SPI1: variants seen among roughly 807,000 people sequenced by gnomAD.
SPI1 encodes the protein Spi-1 proto-oncogene, also known as transcription factor PU.1.
SPI1 carries 3 observed loss-of-function variants against 30.7 expected under a neutral mutation model. That is an observed-to-expected ratio of 0.10 (90% confidence interval 0.04 to 0.25). The LOEUF (loss-of-function observed/expected upper bound fraction) is 0.25. SPI1 is among the 10% of genes least tolerant of loss of function. SPI1 has a pLI of 1.00. For synonymous variants in SPI1, 169 were observed against 157.1 expected, an observed-to-expected ratio of 1.08 and a Z score of -0.56; for missense variants, 261 against 371.5, an observed-to-expected ratio of 0.70 and a Z score of 2.45.
chr11:47,366,546 C>T (rs1452448175), intron 2 of SPI1, among the ~76,000 whole-genome samples: 1 of 152,148 alleles, frequency 6.6e-6, no homozygotes, highest in Non-Finnish European at 1.5e-5. Context: ...CCAGCCTCTC[C>T]TGAAAATTAT....
intron 4 of SPI1, chr11:47,358,467 C>T (rs532463366): frequency 9.3e-6 from 6 of 645,622 alleles, no homozygotes; most frequent in African/African-American, 1.8e-5. Flanking sequence ...CACCCACTCT[C>T]AGCCACACCA....
At position 47,375,603 on chromosome 11, in the gene SPI1, G is replaced by A; in HGVS notation, c.142+30C>T. Reference sequence around the variant, plus strand: ...CCCCAGGAGCCCAGGCTGGGCTGGGGGATGGGGGCGTGGCAGGCCCCGTAC... The same window carrying A: ...CCCCAGGAGCCCAGGCTGGGCTGGGAGATGGGGGCGTGGCAGGCCCCGTAC... On this transcript the variant is annotated intron_variant, in intron 2 of 4. Transcript: ENST00000378538. The surrounding 1 kb of genome is among the most constrained non-coding windows in gnomAD (Gnocchi z 4.2). 1 of 1,553,322 alleles carries A rather than the reference G, an allele frequency of 6.4e-7. No homozygotes were observed. The highest frequency in any genetic ancestry group is 2.2e-5 in the East Asian group (1 of 44,588).
intron 4 of SPI1, 115 bp from the exon 5 acceptor site, chr11:47,355,661 C>CGGCT: frequency 1.1e-6 from 1 of 879,728 alleles, no homozygotes; most frequent in Non-Finnish European, 1.7e-6. Flanking sequence ...GGCAGGGGAA[C>CGGCT]GGCTGCCCCA....
Position 47,355,149 on chromosome 11 carries a change from CCCTGTGT to C in SPI1, c.*71_*77del. On this transcript the variant is annotated 3_prime_UTR_variant, in exon 5 of 5. Transcript: ENST00000378538. ...TGCCTCTGGGCCCCGGGAGCGTCCTCCCTGTGTCCGGGCCGGGCGAGGGCTTAATGCT... is the reference window on the plus strand; with the variant it reads ...TGCCTCTGGGCCCCGGGAGCGTCCTCCCGGGCCGGGCGAGGGCTTAATGCT... 8.5e-7 allele frequency: 1 copy of C among 1,172,386 alleles called. No individual in the cohort carries two copies. The highest frequency in any genetic ancestry group is 1.1e-6 in the Non-Finnish European group (1 of 929,902). 72.6% of individuals were successfully genotyped at this position (1,172,386 alleles called of 1,614,324 possible). A position where few individuals can be genotyped will look rare whatever the true frequency, so the allele number is the denominator to read the frequency against.
intron 4 of SPI1, among the ~76,000 whole-genome samples, chr11:47,356,969 TCTG>T (rs1430982193): frequency 2.3e-5 from 3 of 132,316 alleles, no homozygotes; most frequent in Non-Finnish European, 3.4e-5. Flanking sequence ...CATGCTCACG[TCTG>T]CTCACACACA....
chr11:47,365,566 A>G (rs1316584676), intron 2 of SPI1, among the ~76,000 whole-genome samples: 2 of 152,194 alleles, frequency 1.3e-5, no homozygotes, highest in Non-Finnish European at 2.9e-5. Context: ...GCAGATATTG[A>G]TAGAATCAGG....
chr11:47,356,713 TCACA>T (rs897051112), intron 4 of SPI1, among the ~76,000 whole-genome samples: 12 of 151,322 alleles, frequency 7.9e-5, no homozygotes, highest in African/African-American at 1.5e-4. Context: ...ATGCCCCTGC[TCACA>T]CACACATGCT....
Position 47,360,222 on chromosome 11 carries a change from G to A in SPI1, c.143-182C>T, listed in dbSNP as rs568247531. Among the ~76,000 whole-genome samples the A allele has an allele frequency of 3.3e-5, 5 of 152,230 alleles. No homozygotes were observed. In the East Asian group the frequency reaches 5.8e-4, roughly 18 times the overall value. On this transcript the variant is annotated intron_variant, in intron 2 of 4. Coordinates refer to ENST00000378538, the MANE Select transcript of SPI1 (RefSeq NM_003120.3). ...AGATGAGGACACTGAGGCTTCGAGC[G>A]GCTACATAGCATGCCCAAGGTCAAA...
chr11:47,378,228 G>T (rs2142901411), intron 1 of SPI1, 81 bp downstream of exon 1: 1 of 1,457,932 alleles, frequency 6.9e-7, no homozygotes, highest in Non-Finnish European at 9.5e-7. Context: ...GAGGGCAGTG[G>T]GTGGGCTGGC....
Position 47,359,086 on chromosome 11 carries a change from G to T in SPI1, c.331-80C>A. ...GGGGCTGGGAGGGAGGTCAGCTGGG[G>T]AGAGAAGGAGTGCAGAGGGCAGGGG... On this transcript the variant is annotated intron_variant, in intron 3 of 4. Transcript: ENST00000378538. The surrounding 1 kb of genome is among the most constrained non-coding windows in gnomAD (Gnocchi z 5.1). The T allele has an allele frequency of 7.4e-7, 1 of 1,354,284 alleles. No homozygotes were observed. Among genetic ancestry groups the T allele is most frequent in the Non-Finnish European group, 1.0e-6 (1 of 1,001,394 alleles). 83.9% of individuals were successfully genotyped at this position (1,354,284 alleles called of 1,614,324 possible). A position where few individuals can be genotyped will look rare whatever the true frequency, so the allele number is the denominator to read the frequency against.
chr11:47,359,483 C>T lies in SPI1; in HGVS notation c.330+370G>A, dbSNP rs533292114. Among the ~76,000 whole-genome samples, 1 of 151,958 alleles carries T rather than the reference C, an allele frequency of 6.6e-6. No homozygotes were observed. The highest frequency in any genetic ancestry group is 2.4e-5 in the African/African-American group (1 of 41,428). ...CCGGGTTAGGGTCAGTAGGGAGGGT[C>T]ACTGGGGAGAGGCAGGGTCAGTAGA... On this transcript the variant is annotated intron_variant, in intron 3 of 4. Transcript: ENST00000378538. The surrounding 1 kb of genome is among the most constrained non-coding windows in gnomAD (Gnocchi z 5.1).
intron 2 of SPI1, among the ~76,000 whole-genome samples, chr11:47,364,269 C>T (rs1028923982): frequency 6.6e-6 from 1 of 151,922 alleles, no homozygotes; most frequent in East Asian, 2.0e-4. Flanking sequence ...CCAGGATGGT[C>T]GCGATCTCCT....
rs1361663985 is a variant in SPI1 at position 47,359,712 on chromosome 11, C to T, written c.330+141G>A. On this transcript the variant is annotated intron_variant, in intron 3 of 4. Transcript: ENST00000378538. This position sits in a 1 kb window ranked among gnomAD's most constrained non-coding sequence, Gnocchi z 5.1. ...GTCACTTGGGGGGTCAGGCGGCAGC[C>T]GTTGGAGCTCCAGCCGCCGTTGGCA... 7 of 875,384 alleles carry T rather than the reference C, an allele frequency of 8.0e-6. No homozygotes were observed. Among genetic ancestry groups the T allele is most frequent in the South Asian group, 1.6e-5 (1 of 60,776 alleles). The allele number at this position is 875,384 out of a possible 1,614,324, so 54.2% of individuals were successfully genotyped here.
chr11:47,377,456 C>T (rs2095943866), intron 1 of SPI1, among the ~76,000 whole-genome samples: 1 of 152,226 alleles, frequency 6.6e-6, no homozygotes, highest in African/African-American at 2.4e-5. Context: ...CTGCCTAAGG[C>T]TGCAACTGTC....
At position 47,378,429 on chromosome 11, in the gene SPI1, C is replaced by A; in HGVS notation, c.-76G>T. 2 of 1,526,292 alleles carry A rather than the reference C, an allele frequency of 1.3e-6. No homozygotes were observed. Among genetic ancestry groups the A allele is most frequent in the East Asian group, 2.4e-5 (1 of 41,800 alleles). The allele number at this position is 1,526,292 out of a possible 1,614,324, so 94.5% of individuals were successfully genotyped here. The stretch of plus-strand genomic sequence containing the variant: ...CAGAGCCCCTCAGGATGGGGTGCCC[C>A]GTCAGGGGCTGGACGGTCGTGGGGC... On this transcript the variant is annotated 5_prime_UTR_variant, in exon 1 of 5. Transcript: ENST00000378538.
chr11:47,359,356 G>A lies in SPI1; in HGVS notation c.331-350C>T, dbSNP rs893946357. On this transcript the variant is annotated intron_variant, in intron 3 of 4. Transcript: ENST00000378538. This position sits in a 1 kb window ranked among gnomAD's most constrained non-coding sequence, Gnocchi z 5.1. ...GTCAGAAGAGGGCATGCTAGGGACC[G>A]GTGCGTTGGGTCTGGAAGGGGGTTT... 5.3e-5 allele frequency among the ~76,000 whole-genome samples: 8 copies of A among 152,124 alleles called. No homozygotes were observed. Among genetic ancestry groups the A allele is most frequent in the African/African-American group, 1.2e-4 (5 of 41,420 alleles).
At chr11:47,363,991 T>G (rs1378531698) in intron 2 of SPI1, among the ~76,000 whole-genome samples, 3 of 145,714 alleles carry the variant, frequency 2.1e-5, no homozygotes, top group Non-Finnish European at 4.5e-5. Context: ...AAAAAGCCTC[T>G]GAGACTCTCC....
intron 1 of SPI1, among the ~76,000 whole-genome samples, chr11:47,377,757 G>C (rs1434367241): frequency 6.6e-6 from 1 of 152,188 alleles, no homozygotes; most frequent in Non-Finnish European, 1.5e-5. Flanking sequence ...TGTCTCCTGT[G>C]GGTACCCCTG....
In SPI1 at chr11:47,378,365, C is replaced by A. The variant is rs778004298; in HGVS notation, c.-12G>T. ...CACGCCTGTAACATCCAGCCGGGCT[C>A]CGAGTCGGTCAGATCCCCTGCCTCG... On this transcript the variant is annotated 5_prime_UTR_variant, in exon 1 of 5. Coordinates refer to ENST00000378538, the MANE Select transcript of SPI1 (RefSeq NM_003120.3). 4.9e-5 allele frequency: 79 copies of A among 1,611,512 alleles called. No homozygotes were observed. The highest frequency in any genetic ancestry group is 6.6e-5 in the Non-Finnish European group (78 of 1,178,992).
Sources: allele counts gnomAD v4.1 joint callset (sites outside exome capture counted in the v4.1 genomes callset), GRCh38; gene constraint gnomAD v4.1.1; non-coding constraint Gnocchi (gnomAD v3.1); transcripts MANE v1.5; gene names NCBI Gene and HGNC (gene_info 2026-07-23, HGNC 2026-07-21).